RNLS: variants seen among roughly 807,000 people sequenced by gnomAD.
RNLS encodes the protein renalase, FAD dependent amine oxidase, also known as renalase.
Under a neutral mutation model 39.8 loss-of-function variants are expected in RNLS, and 39 were observed. The observed-to-expected ratio is 0.98, with a 90% CI of 0.76 to 1.28. RNLS has a LOEUF of 1.28. RNLS is among the 50% of genes most tolerant of loss of function. The pLI, the probability that RNLS is intolerant of heterozygous loss-of-function variation, is 0.00. For synonymous variants in RNLS, 147 were observed against 150.7 expected (o/e 0.98, Z 0.18); for missense variants, 410 against 413.3 (o/e 0.99, Z 0.07).
At chr10:88,510,267 A>G (rs1846042828) in intron 4 of RNLS, among the ~76,000 whole-genome samples, 2 of 152,068 alleles carry the variant, frequency 1.3e-5, no homozygotes, top group African/African-American at 4.8e-5. Flanking sequence ...ACATTTTAAA[A>G]CATTTAAAGA....
the RNLS span, among the ~76,000 whole-genome samples, chr10:88,234,983 C>T: frequency 4.5e-3 from 683 of 152,066 alleles, 4 homozygotes; most frequent in Non-Finnish European, 7.8e-3. Flanking sequence ...TAACATGGGC[C>T]GGGCGCGGTG....
rs1335848024 is a variant in RNLS, at chr10:88,583,231, G to A, written c.-41C>T. The A allele has an allele frequency of 6.2e-7, 1 of 1,609,028 alleles. No individual in the cohort carries two copies. On this transcript the variant is annotated 5_prime_UTR_variant, in exon 1 of 7. Coordinates refer to ENST00000331772, the MANE Select transcript of RNLS (RefSeq NM_001031709.3). ...CGATCCGCGCTGAGTCTCTGCGGCG[G>A]GGCCGTTCGGCCCGGGCTTTCTGGA... is the stretch of plus-strand genomic sequence containing the variant.
downstream of RNLS, among the ~76,000 whole-genome samples, chr10:88,269,450 C>A (rs1051696386): frequency 6.6e-6 from 1 of 152,146 alleles, no homozygotes; most frequent in Admixed American, 6.5e-5. Context: ...GGCAGAAAAA[C>A]CAAAGTGACA....
At chr10:88,361,421 C>G (rs534899213) in intron 5 of RNLS, among the ~76,000 whole-genome samples, 2 of 152,078 alleles carry the variant, frequency 1.3e-5, no homozygotes, top group Non-Finnish European at 2.9e-5. Flanking sequence ...ATGAAATATA[C>G]ACAGGATAAT....
intron 4 of RNLS, among the ~76,000 whole-genome samples, chr10:88,416,095 C>G (rs1001051227): frequency 2.0e-5 from 3 of 151,916 alleles, no homozygotes; most frequent in African/African-American, 4.8e-5. Flanking sequence ...AACTCCTACT[C>G]TCCTTTGCTT....
chr10:88,427,951 T>A (rs1297033217), intron 4 of RNLS, among the ~76,000 whole-genome samples: 1 of 151,948 alleles, frequency 6.6e-6, no homozygotes, highest in Non-Finnish European at 1.5e-5. Context: ...CTTTGTACTA[T>A]GTTGCCTTTA....
the RNLS span, among the ~76,000 whole-genome samples, chr10:88,243,744 T>C: frequency 6.6e-6 from 1 of 152,250 alleles, no homozygotes; most frequent in African/African-American, 2.4e-5. Context: ...AGCAGCTCTT[T>C]AACGGACACT....
At chr10:88,355,341 A>G (rs1344753429) in intron 5 of RNLS, among the ~76,000 whole-genome samples, 1 of 152,004 alleles carries the variant, frequency 6.6e-6, no homozygotes, top group Non-Finnish European at 1.5e-5. Flanking sequence ...CCATCTTTGC[A>G]GTTTTATCTA....
intron 5 of RNLS, among the ~76,000 whole-genome samples, chr10:88,350,711 T>C (rs1034605636): frequency 6.6e-6 from 1 of 152,242 alleles, no homozygotes; most frequent in Admixed American, 6.5e-5. Context: ...TGTGTCTTTA[T>C]AGCAGCATGA....
At chr10:88,485,092 G>A (rs1844414265) in intron 4 of RNLS, among the ~76,000 whole-genome samples, 1 of 151,904 alleles carries the variant, frequency 6.6e-6, no homozygotes, top group Non-Finnish European at 1.5e-5. Flanking sequence ...AATCCCAGCA[G>A]GTTTCTTTGT....
chr10:88,365,028 C>G (rs1849942480), intron 4 of RNLS, among the ~76,000 whole-genome samples: 1 of 152,038 alleles, frequency 6.6e-6, no homozygotes, highest in African/African-American at 2.4e-5. Context: ...CCTCTCCCCA[C>G]CCCCCTTTTT....
chr10:88,281,272 G>A (rs1392585799), downstream of RNLS, among the ~76,000 whole-genome samples: 3 of 152,144 alleles, frequency 2.0e-5, no homozygotes, highest in Non-Finnish European at 4.4e-5. Flanking sequence ...AAGTCAGCCA[G>A]GTCAACCCAG....
At chr10:88,455,160 T>C (rs1200619554) in intron 4 of RNLS, among the ~76,000 whole-genome samples, 2 of 151,912 alleles carry the variant, frequency 1.3e-5, no homozygotes, top group African/African-American at 2.4e-5. Context: ...CACAGAGAAG[T>C]GGGCAATTCA....
chr10:88,270,352 G>A (rs1180744082), downstream of RNLS, among the ~76,000 whole-genome samples: 1 of 152,074 alleles, frequency 6.6e-6, no homozygotes, highest in East Asian at 1.9e-4. Context: ...TTATTCTGAG[G>A]ATTTAGCTGG....
At chr10:88,200,989 TC>T in the RNLS span, among the ~76,000 whole-genome samples, 3 of 46,090 alleles carry the variant, frequency 6.5e-5, no homozygotes, top group African/African-American at 2.5e-4. Flanking sequence ...TTAAAATGAA[TC>T]CTTTTTTTTT....
rs116205283 is a variant in RNLS, at chr10:88,417,622, C to T, written c.527-54897G>A. 2.4e-3 allele frequency among the ~76,000 whole-genome samples: 358 copies of T among 152,286 alleles called. 1 individual carries two copies. Among genetic ancestry groups the T allele is most frequent in the African/African-American group, 8.2e-3 (342 of 41,556 alleles). ...AAAATGGTACTCTTGTTCCTTGAGG[C>T]CACTCAAAGGCCAGCTCCTGAAATA... On this transcript the variant is annotated intron_variant, in intron 4 of 6. Transcript: ENST00000331772.
chr10:88,257,379 T>C, the RNLS span, among the ~76,000 whole-genome samples: 2 of 152,188 alleles, frequency 1.3e-5, no homozygotes, highest in Non-Finnish European at 2.9e-5. Context: ...ATCAGGACAA[T>C]ATAGCGTGCA....
the RNLS span, among the ~76,000 whole-genome samples, chr10:88,239,603 C>T: frequency 1.6e-4 from 24 of 152,200 alleles, no homozygotes; most frequent in African/African-American, 4.3e-4. Context: ...AGCAGCTGCC[C>T]GATGCTGCTT....
intron 4 of RNLS, among the ~76,000 whole-genome samples, chr10:88,409,813 CTTTAAG>C (rs1853546015): frequency 6.6e-6 from 1 of 152,022 alleles, no homozygotes. Context: ...GAGAAATTGC[CTTTAAG>C]TTTGTCAGCC....
Sources: gnomAD v4.1 joint callset for allele counts (sites outside exome capture counted in the v4.1 genomes callset) on GRCh38, gnomAD v4.1.1 for gene constraint, MANE v1.5 for transcripts, NCBI Gene and HGNC (gene_info 2026-07-23, HGNC 2026-07-21) for gene names.